The following RUNX1T1 variants were observed in gnomAD, a reference collection of about 807,000 sequenced individuals.
RUNX1T1 encodes protein CBFA2T1.
In RUNX1T1, 4 loss-of-function variants were observed where a neutral mutation model predicts 62.8. The ratio of observed to expected loss-of-function variants is 0.06; its 90% CI spans 0.03 to 0.15. The LOEUF is 0.15. RUNX1T1 is among the 10% of genes least tolerant of loss of function. The pLI is 1.00. For missense variants in RUNX1T1, 508 were observed against 754.3 expected, an observed-to-expected ratio of 0.67 and a Z score of 3.82; for synonymous variants, 291 against 286.0, an observed-to-expected ratio of 1.02 and a Z score of -0.18.
chr8:91,965,945 C>CCT (rs1383755124), intron 10 of RUNX1T1, among the ~76,000 whole-genome samples: 2 of 151,910 alleles, frequency 1.3e-5, no homozygotes, highest in African/African-American at 4.8e-5. Context: ...CTCATTGGCA[C>CCT]CTCTCCACCA....
At chr8:92,069,434 T>C (rs906347239) in intron 2 of RUNX1T1, among the ~76,000 whole-genome samples, 5 of 152,164 alleles carry the variant, frequency 3.3e-5, no homozygotes, top group African/African-American at 1.2e-4. Context: ...AGAATTTTTT[T>C]CATCATATTT....
chr8:91,955,344 G>T (rs2977677), downstream of RUNX1T1: 141,349 of 226,108 alleles, frequency 0.63, 47,244 homozygotes, highest in African/African-American at 0.88. Context: ...ATAAGATGCA[G>T]TAACACATTA....
chr8:92,015,964 C>T (rs1278029812), intron 2 of RUNX1T1, among the ~76,000 whole-genome samples: 1 of 152,164 alleles, frequency 6.6e-6, no homozygotes, highest in East Asian at 1.9e-4. Context: ...TGCACAGTCA[C>T]CTGCTCCTTA....
At chr8:92,086,242 C>T (rs1021778182) in intron 1 of RUNX1T1, among the ~76,000 whole-genome samples, 1 of 152,170 alleles carries the variant, frequency 6.6e-6, no homozygotes, top group Non-Finnish European at 1.5e-5. Context: ...ACCTTCTCTC[C>T]TTCTTACCAT....
At chr8:92,014,655 G>A in exon 3 of RUNX1T1, 1 of 1,614,078 alleles carries the variant, frequency 6.2e-7, no homozygotes, top group Non-Finnish European at 8.5e-7. Context: ...CTGCAGGGTA[G>A]TAAGGAACCT....
chr8:91,971,745 C>A (rs1812875484), intron 9 of RUNX1T1, among the ~76,000 whole-genome samples: 1 of 152,066 alleles, frequency 6.6e-6, no homozygotes, highest in African/African-American at 2.4e-5. Flanking sequence ...TGAATCATAC[C>A]ACAGGCCAAA....
exon 6 of RUNX1T1, chr8:91,991,717 T>C (rs1337865503): frequency 1.2e-6 from 2 of 1,613,996 alleles, no homozygotes; most frequent in East Asian, 2.2e-5. Context: ...GCAATGGCCA[T>C]ATCATCCAAA....
downstream of RUNX1T1, chr8:91,956,188 G>A (rs1432349406): frequency 3.0e-5 from 7 of 230,902 alleles, no homozygotes; most frequent in East Asian, 6.1e-5. Flanking sequence ...AAGGGCCTCT[G>A]CTATCTATGC....
chr8:92,018,421 T>C (rs1823437198), intron 1 of RUNX1T1, among the ~76,000 whole-genome samples: 1 of 152,222 alleles, frequency 6.6e-6, no homozygotes, highest in African/African-American at 2.4e-5. Context: ...TATCAGAGTC[T>C]CTATTTTTGG....
intron 3 of RUNX1T1, among the ~76,000 whole-genome samples, chr8:92,011,529 GT>G (rs1415463176): frequency 6.6e-6 from 1 of 152,200 alleles, no homozygotes; most frequent in Non-Finnish European, 1.5e-5. Flanking sequence ...ACTACTGCTG[GT>G]GGAAATATTC....
intron 1 of RUNX1T1, among the ~76,000 whole-genome samples, chr8:92,027,123 A>G (rs1453641151): frequency 2.7e-5 from 4 of 147,380 alleles, no homozygotes; most frequent in Non-Finnish European, 6.0e-5. Context: ...CTCAAAAAAA[A>G]AAAAAAAAAA....
chr8:91,969,411 C>G (rs1361275492), intron 10 of RUNX1T1, among the ~76,000 whole-genome samples: 1 of 152,168 alleles, frequency 6.6e-6, no homozygotes, highest in Non-Finnish European at 1.5e-5. Flanking sequence ...GATATGACAT[C>G]AACTGTGCCT....
At chr8:92,103,018 C>G, upstream of RUNX1T1, 1 of 884,894 alleles carries the variant, frequency 1.1e-6, no homozygotes, top group Non-Finnish European at 1.5e-6. Flanking sequence ...GCGCGCTCGC[C>G]ACGAGACCGC....
chr8:92,095,628 GAA>G (rs1230084131), intron 1 of RUNX1T1: 1 of 1,317,010 alleles, frequency 7.6e-7, no homozygotes, highest in Admixed American at 3.3e-5. Context: ...GAGAGAGAGA[GAA>G]GACAGAAAGG....
At chr8:92,021,144 T>C (rs1239047533) in intron 1 of RUNX1T1, among the ~76,000 whole-genome samples, 1 of 152,172 alleles carries the variant, frequency 6.6e-6, no homozygotes, top group African/African-American at 2.4e-5. Flanking sequence ...GAGTTAGTCA[T>C]ATTTGAATAA....
intron 1 of RUNX1T1, among the ~76,000 whole-genome samples, chr8:92,036,280 T>G (rs1045191351): frequency 2.0e-5 from 3 of 152,210 alleles, no homozygotes; most frequent in African/African-American, 7.2e-5. Flanking sequence ...TTCTTGATAT[T>G]ATTTGTCAGA....
chr8:92,034,786 A>ACACACC (rs1271460445), intron 1 of RUNX1T1, among the ~76,000 whole-genome samples: 1 of 127,776 alleles, frequency 7.8e-6, no homozygotes, highest in Non-Finnish European at 1.6e-5. Context: ...ACACATATAT[A>ACACACC]TATACATATA....
intron 1 of RUNX1T1, among the ~76,000 whole-genome samples, chr8:92,091,543 G>A (rs1169691811): frequency 4.6e-5 from 7 of 152,212 alleles, no homozygotes; most frequent in Non-Finnish European, 1.0e-4. Flanking sequence ...TGTCATGTAA[G>A]GTACCGTGGC....
intron 1 of RUNX1T1, among the ~76,000 whole-genome samples, chr8:92,084,090 G>T (rs534143582): frequency 9.9e-5 from 15 of 152,136 alleles, no homozygotes; most frequent in African/African-American, 3.4e-4. Context: ...CACACACCGG[G>T]GCCTGTCGGG....
Sources: allele counts gnomAD v4.1 joint callset (sites outside exome capture counted in the v4.1 genomes callset), GRCh38; gene constraint gnomAD v4.1.1; transcripts MANE v1.5; gene names NCBI Gene and HGNC (gene_info 2026-07-23, HGNC 2026-07-21).